Variants in ADAMTS20 observed in about 807,000 individuals in gnomAD.
The protein encoded by ADAMTS20 is A disintegrin and metalloproteinase with thrombospondin motifs 20.
A neutral mutation model predicts 260.1 loss-of-function variants in ADAMTS20; 225 were observed. The ratio of observed to expected loss-of-function variants is 0.87; its 90% CI spans 0.78 to 0.97. The LOEUF (loss-of-function observed/expected upper bound fraction) is 0.97. Ranked by LOEUF, ADAMTS20 falls within the 50% of genes least tolerant of loss-of-function variation. The probability of loss-of-function intolerance (pLI) is 0.00; values close to 1 mark genes in which losing one functional copy is unlikely to be tolerated. For synonymous variants in ADAMTS20, 802 were observed against 769.5 expected, an observed-to-expected ratio of 1.04 and a Z score of -0.70; for missense variants, 2,400 against 2,337.7, an observed-to-expected ratio of 1.03 and a Z score of -0.55.
intron 7 of ADAMTS20, among the ~76,000 whole-genome samples, chr12:43,474,713 A>G (rs1942322249): frequency 1.4e-5 from 1 of 70,796 alleles, no homozygotes. Context: ...GTAATCCAGC[A>G]TATAAACAGA....
intron 16 of ADAMTS20, 69 bp from the exon 17 acceptor site, chr12:43,440,138 ACT>A: frequency 1.2e-4 from 121 of 1,023,986 alleles, no homozygotes; most frequent in Non-Finnish European, 1.5e-4. Context: ...CACTTGTTTA[ACT>A]TTTTTTTTTT....
chr12:43,384,434 C>T (rs1940426273), intron 29 of ADAMTS20, among the ~76,000 whole-genome samples: 1 of 151,902 alleles, frequency 6.6e-6, no homozygotes, highest in African/African-American at 2.4e-5. Flanking sequence ...TAGTTTGTAC[C>T]TGTTATGGAA....
chr12:43,421,987 A>C (rs1272448419), intron 28 of ADAMTS20, among the ~76,000 whole-genome samples: 1 of 152,002 alleles, frequency 6.6e-6, no homozygotes, highest in Non-Finnish European at 1.5e-5. Context: ...GAACATTTTA[A>C]GTGCAAGGAG....
chr12:43,486,110 C>A (rs1565568619), intron 7 of ADAMTS20, among the ~76,000 whole-genome samples: 1 of 151,930 alleles, frequency 6.6e-6, no homozygotes, highest in East Asian at 1.9e-4. Context: ...AAACAGGAAC[C>A]CAGTAGCTAA....
At chr12:43,370,844 T>G (rs1190438423) in intron 36 of ADAMTS20, among the ~76,000 whole-genome samples, 2 of 152,196 alleles carry the variant, frequency 1.3e-5, no homozygotes, top group Non-Finnish European at 2.9e-5. Context: ...GAAAATCCTG[T>G]AGTGTCTACC....
In ADAMTS20 at chr12:43,551,763, G is replaced by T; in HGVS notation, c.91+68C>A. On this transcript the variant is annotated intron_variant, in intron 1 of 38. Transcript: ENST00000389420. The surrounding 1 kb of genome is among the most constrained non-coding windows in gnomAD (Gnocchi z 4.6). ...AACGGGCTGAGCCGCTCGTCCCCGC[G>T]ACCTGCATGTCCCACTCGGGCCCCG... 2 of 1,511,072 alleles carry T rather than the reference G, an allele frequency of 1.3e-6. No individual in the cohort carries two copies. Among genetic ancestry groups the T allele is most frequent in the South Asian group, 1.1e-5 (1 of 88,834 alleles). 93.6% of individuals were successfully genotyped at this position (1,511,072 alleles called of 1,614,324 possible).
At chr12:43,422,011 T>C (rs1941246585) in intron 28 of ADAMTS20, among the ~76,000 whole-genome samples, 1 of 151,830 alleles carries the variant, frequency 6.6e-6, no homozygotes, top group Admixed American at 6.6e-5. Context: ...AAATACAACA[T>C]ACATATGAAT....
Position 43,551,761 on chromosome 12 carries a change from G to T in ADAMTS20, c.91+70C>A, listed in dbSNP as rs1592121913. Reference sequence around the variant, plus strand: ...CCAACGGGCTGAGCCGCTCGTCCCCGCGACCTGCATGTCCCACTCGGGCCC... The same window carrying T: ...CCAACGGGCTGAGCCGCTCGTCCCCTCGACCTGCATGTCCCACTCGGGCCC... On this transcript the variant is annotated intron_variant, in intron 1 of 38. Coordinates refer to ENST00000389420, the MANE Select transcript of ADAMTS20 (RefSeq NM_025003.5). This position sits in a 1 kb window ranked among gnomAD's most constrained non-coding sequence, Gnocchi z 4.6. 2 of 1,502,368 alleles carry T rather than the reference G, an allele frequency of 1.3e-6. No individual in the cohort carries two copies. The highest frequency in any genetic ancestry group is 1.8e-6 in the Non-Finnish European group (2 of 1,085,362). The allele number at this position is 1,502,368 out of a possible 1,614,324, so 93.1% of individuals were successfully genotyped here.
rs577420359 is a variant in ADAMTS20, at chr12:43,358,565, G to A, written c.5539-1977C>T. The stretch of plus-strand genomic sequence containing the variant: ...CCTAAAAAAAGTAATTCGGACGGGC[G>A]CGGTGGCTCACGCCTGTAATCCCAG... On this transcript the variant is annotated intron_variant, in intron 37 of 38. Coordinates refer to ENST00000389420, the MANE Select transcript of ADAMTS20 (RefSeq NM_025003.5). Among the ~76,000 whole-genome samples, 8 of 152,084 alleles carry A rather than the reference G, an allele frequency of 5.3e-5. 1 individual carries two copies. The South Asian group carries it at 6.2e-4, about 12-fold the overall frequency.
At position 43,474,393 on chromosome 12, in the gene ADAMTS20, C is replaced by T. The variant is rs531550243; in HGVS notation, c.1118-5688G>A. Among the ~76,000 whole-genome samples the T allele has an allele frequency of 8.1e-3, 1,227 of 150,608 alleles. 17 individuals carry two copies. The highest frequency in any genetic ancestry group is 0.014 in the Admixed American group (205 of 15,052). On this transcript the variant is annotated intron_variant, in intron 7 of 38. Transcript: ENST00000389420. ...GTCCAGGACCAGATGGATTCACAGCCGAATTCTACCAAAGGTACAAGGAGG... is the reference window on the plus strand; with the variant it reads ...GTCCAGGACCAGATGGATTCACAGCTGAATTCTACCAAAGGTACAAGGAGG...
At chr12:43,508,449 T>C (rs1046644241) in intron 3 of ADAMTS20, among the ~76,000 whole-genome samples, 2 of 152,126 alleles carry the variant, frequency 1.3e-5, no homozygotes, top group Non-Finnish European at 2.9e-5. Flanking sequence ...TCATTTACCA[T>C]GATAAAACTG....
chr12:43,366,717 A>T (rs1215915616), intron 37 of ADAMTS20, among the ~76,000 whole-genome samples: 1 of 151,902 alleles, frequency 6.6e-6, no homozygotes, highest in Non-Finnish European at 1.5e-5. Flanking sequence ...TATACCAAAG[A>T]CCTAACTATA....
intron 36 of ADAMTS20, among the ~76,000 whole-genome samples, chr12:43,374,501 T>C (rs1306015032): frequency 6.6e-6 from 1 of 152,180 alleles, no homozygotes; most frequent in African/African-American, 2.4e-5. Context: ...GATTGTATTA[T>C]AAATTACTTT....
intron 29 of ADAMTS20, among the ~76,000 whole-genome samples, chr12:43,394,319 T>C (rs1275092439): frequency 1.3e-4 from 20 of 152,114 alleles, no homozygotes; most frequent in Non-Finnish European, 2.6e-4. Context: ...TCTAGGGATA[T>C]GGAAAATTGT....
chr12:43,541,440 T>C (rs910650768), intron 2 of ADAMTS20, among the ~76,000 whole-genome samples: 1 of 152,176 alleles, frequency 6.6e-6, no homozygotes, highest in African/African-American at 2.4e-5. Flanking sequence ...TGTTTTGAAA[T>C]TGAATGTATT....
intron 28 of ADAMTS20, among the ~76,000 whole-genome samples, chr12:43,407,711 T>C (rs1304995857): frequency 6.6e-6 from 1 of 152,106 alleles, no homozygotes; most frequent in Non-Finnish European, 1.5e-5. Flanking sequence ...ATTGGATTAA[T>C]TTTCTTCAAT....
intron 3 of ADAMTS20, among the ~76,000 whole-genome samples, chr12:43,506,825 T>C (rs1040068422): frequency 6.6e-6 from 1 of 151,682 alleles, no homozygotes; most frequent in Non-Finnish European, 1.5e-5. Flanking sequence ...TTTCAAAGAA[T>C]GTTTATAGCA....
At chr12:43,526,172 C>T (rs536630777) in intron 3 of ADAMTS20, among the ~76,000 whole-genome samples, 63 of 152,266 alleles carry the variant, frequency 4.1e-4, no homozygotes, top group Admixed American at 9.8e-4. Flanking sequence ...GGAATGATAT[C>T]GGCCAGGCGC....
chr12:43,492,575 A>G lies in ADAMTS20; in HGVS notation c.1006T>C (p.Trp336Arg), dbSNP rs1280664617. Reference sequence around the variant, plus strand: ...TCAAGGTCATTCTGAGTTTGTTGCCATGAACAAAAGTTCTTTAATGTGGTA... The same window carrying G: ...TCAAGGTCATTCTGAGTTTGTTGCCGTGAACAAAAGTTCTTTAATGTGGTA... ...GATTLKNFCS[W>R]QQTQNDLDDV... The change falls in exon 6 of 39, where the codon TGG becomes CGG. Residue 336 changes from tryptophan to arginine, a missense_variant. By Grantham distance (101) the Trp-to-Arg change is moderately radical (BLOSUM62 -3). Coordinates refer to ENST00000389420, the MANE Select transcript of ADAMTS20 (RefSeq NM_025003.5). The G allele has an allele frequency of 3.1e-6, 5 of 1,613,756 alleles. No homozygotes were observed. Among genetic ancestry groups the G allele is most frequent in the Non-Finnish European group, 2.5e-6 (3 of 1,179,836 alleles).
Sources: allele counts gnomAD v4.1 joint callset (sites outside exome capture counted in the v4.1 genomes callset), GRCh38; gene constraint gnomAD v4.1.1; non-coding constraint Gnocchi (gnomAD v3.1); transcripts MANE v1.5; gene names NCBI Gene and HGNC (gene_info 2026-07-23, HGNC 2026-07-21).